Variants in DENND5B observed in about 807,000 individuals in gnomAD.
The protein encoded by DENND5B is DENN domain containing 5B.
DENND5B carries 34 observed loss-of-function variants against 140.6 expected under a neutral mutation model. The observed-to-expected ratio is 0.24, with a 90% CI of 0.18 to 0.32. The LOEUF (loss-of-function observed/expected upper bound fraction) is 0.32, where lower values mean the gene tolerates loss of function less well. Among genes scored for constraint, DENND5B ranks in the 10% least tolerant of loss-of-function variants. The probability of loss-of-function intolerance (pLI) is 1.00; values close to 1 mark genes in which losing one functional copy is unlikely to be tolerated. For missense variants in DENND5B, 1,142 were observed against 1,560.2 expected, an observed-to-expected ratio of 0.73 and a Z score of 4.52; for synonymous variants, 551 against 562.1, an observed-to-expected ratio of 0.98 and a Z score of 0.28.
intron 13 of DENND5B, among the ~76,000 whole-genome samples, chr12:31,410,495 T>C (rs1942390709): frequency 6.6e-6 from 1 of 152,200 alleles, no homozygotes; most frequent in Non-Finnish European, 1.5e-5. Context: ...AGCCTTGACC[T>C]CCTGGGCTTG....
At chr12:31,469,745 T>C (rs998325238) in intron 3 of DENND5B, among the ~76,000 whole-genome samples, 1 of 152,158 alleles carries the variant, frequency 6.6e-6, no homozygotes, top group Non-Finnish European at 1.5e-5. Context: ...GCCATTCTCA[T>C]GGTTGTGAGT....
chr12:31,546,113 G>A (rs138165189), intron 1 of DENND5B, among the ~76,000 whole-genome samples: 227 of 151,850 alleles, frequency 1.5e-3, no homozygotes, highest in Non-Finnish European at 2.7e-3. Flanking sequence ...TTAATAACCA[G>A]GCATTTTCTG....
chr12:31,531,362 G>A (rs1018196473), intron 1 of DENND5B, among the ~76,000 whole-genome samples: 2 of 152,104 alleles, frequency 1.3e-5, no homozygotes, highest in Non-Finnish European at 2.9e-5. Flanking sequence ...ACTACGTCCC[G>A]CTAAGTTTCG....
chr12:31,500,549 G>A (rs1281719264), intron 1 of DENND5B: 2 of 330,184 alleles, frequency 6.1e-6, no homozygotes, highest in African/African-American at 4.5e-5. Flanking sequence ...GCATGGTGGT[G>A]GGTGCCCATA....
At chr12:31,429,852 G>A (rs557345756) in intron 8 of DENND5B, among the ~76,000 whole-genome samples, 8 of 151,588 alleles carry the variant, frequency 5.3e-5, no homozygotes, top group South Asian at 4.2e-4. Context: ...CATTATAGGC[G>A]CGTGCTACAA....
intron 1 of DENND5B, among the ~76,000 whole-genome samples, chr12:31,502,620 T>C (rs1466976721): frequency 6.6e-6 from 1 of 152,162 alleles, no homozygotes; most frequent in African/African-American, 2.4e-5. Context: ...TTCTTTTAAA[T>C]AGTCAATAAT....
At chr12:31,472,038 G>A (rs571197213) in intron 3 of DENND5B, among the ~76,000 whole-genome samples, 2 of 152,218 alleles carry the variant, frequency 1.3e-5, no homozygotes, top group South Asian at 2.1e-4. Flanking sequence ...ATATTCACCC[G>A]CTGAATACAT....
intron 4 of DENND5B, among the ~76,000 whole-genome samples, chr12:31,454,034 C>T (rs941878278): frequency 1.3e-5 from 2 of 151,214 alleles, no homozygotes; most frequent in African/African-American, 2.4e-5. Context: ...CCCAGCTACT[C>T]GGGAGGCTAA....
At chr12:31,449,529 C>T (rs947708586) in intron 5 of DENND5B, among the ~76,000 whole-genome samples, 31 of 152,052 alleles carry the variant, frequency 2.0e-4, no homozygotes, top group Non-Finnish European at 3.4e-4. Flanking sequence ...CTAGTATGTC[C>T]TGCAGATTTT....
intron 7 of DENND5B, 106 bp downstream of exon 7, chr12:31,442,665 AAAGT>A: frequency 8.4e-7 from 1 of 1,188,132 alleles, no homozygotes; most frequent in South Asian, 2.4e-5. Context: ...GGTCATGAAA[AAAGT>A]AATCAGATAG....
intron 1 of DENND5B, among the ~76,000 whole-genome samples, chr12:31,542,900 G>T (rs979799646): frequency 6.6e-6 from 1 of 152,142 alleles, no homozygotes; most frequent in Admixed American, 6.5e-5. Context: ...AAGTTGCAGG[G>T]AGCCAAGACT....
intron 14 of DENND5B, among the ~76,000 whole-genome samples, chr12:31,404,756 T>C (rs61918606): frequency 0.4 from 46,528 of 117,480 alleles, 9,600 homozygotes; most frequent in Admixed American, 0.59. Context: ...GTCCGACCTC[T>C]AGCTTTTTTT....
At chr12:31,436,783 C>T (rs1156584306) in intron 7 of DENND5B, among the ~76,000 whole-genome samples, 10 of 152,030 alleles carry the variant, frequency 6.6e-5, no homozygotes, top group Non-Finnish European at 1.3e-4. Flanking sequence ...GATCCGCCCG[C>T]CTCAGCCTCC....
chr12:31,577,533 A>AC, intron 1 of DENND5B, among the ~76,000 whole-genome samples: 1 of 151,810 alleles, frequency 6.6e-6, no homozygotes, highest in East Asian at 1.9e-4. Context: ...ACATGGTGAA[A>AC]CCCCGTCTCT....
rs1463339391 is a variant in DENND5B at position 31,426,488 on chromosome 12, T to C, written c.2107-64A>G. ...GCTATTCTTCTAATCTTCTTAACCT[T>C]ATACAAACAAGTGCAGAGACAAATG... On this transcript the variant is annotated intron_variant, in intron 8 of 20. Transcript: ENST00000389082. The C allele has an allele frequency of 3.3e-6, 5 of 1,528,720 alleles. No homozygotes were observed. The African/African-American group carries it at 6.9e-5, about 21-fold the overall frequency. The allele number at this position is 1,528,720 out of a possible 1,614,324, so 94.7% of individuals were successfully genotyped here. A position where few individuals can be genotyped will look rare whatever the true frequency, so the allele number is the denominator to read the frequency against.
intron 3 of DENND5B, among the ~76,000 whole-genome samples, chr12:31,469,679 A>T (rs530604962): frequency 6.6e-6 from 1 of 152,096 alleles, no homozygotes; most frequent in Non-Finnish European, 1.5e-5. Flanking sequence ...GTTGGCCCCA[A>T]TGTTGGAGGT....
intron 2 of DENND5B, among the ~76,000 whole-genome samples, chr12:31,483,647 CCAGG>C (rs879451771): frequency 1.3e-5 from 2 of 151,922 alleles, no homozygotes; most frequent in African/African-American, 2.4e-5. Context: ...ACTATGTTGG[CCAGG>C]CTGGTCTCAA....
chr12:31,544,426 C>A (rs1046761611), intron 1 of DENND5B, among the ~76,000 whole-genome samples: 8 of 152,086 alleles, frequency 5.3e-5, no homozygotes, highest in Non-Finnish European at 8.8e-5. Context: ...GAATTGCTGG[C>A]ATGTGCCTCC....
At position 31,479,903 on chromosome 12, in the gene DENND5B, G is replaced by A. The variant is rs1214167750; in HGVS notation, c.590C>T (p.Pro197Leu). 10 of 1,613,794 alleles carry A rather than the reference G, an allele frequency of 6.2e-6. No homozygotes were observed. The highest frequency in any genetic ancestry group is 2.2e-5 in the South Asian group (2 of 91,078). Residue 197 changes from proline to leucine, a missense_variant, in exon 3 of 21, where the codon CCG becomes CTG. Pro to Leu is a moderately conservative substitution (Grantham distance 98). Transcript: ENST00000389082. ...CTTGCAGGCCTGCATGAATGGTAAC[G>A]GTGTGATCAAGCATATACTTTTTGA... ...YVSKSICLIT[P>L]LPFMQACKKF...
Sources: gnomAD v4.1 joint callset for allele counts (sites outside exome capture counted in the v4.1 genomes callset) on GRCh38, gnomAD v4.1.1 for gene constraint, MANE v1.5 for transcripts, NCBI Gene and HGNC (gene_info 2026-07-23, HGNC 2026-07-21) for gene names.